RASGEF1C: variants seen among roughly 807,000 people sequenced by gnomAD.
RASGEF1C encodes the protein ras-GEF domain-containing family member 1C.
In RASGEF1C, 27 loss-of-function variants were observed where a neutral mutation model predicts 58.1. The ratio of observed to expected loss-of-function variants is 0.46; its 90% CI spans 0.34 to 0.64. RASGEF1C has a LOEUF of 0.64. Among genes scored for constraint, RASGEF1C ranks in the 30% least tolerant of loss-of-function variants. RASGEF1C has a pLI of 0.01. For synonymous variants in RASGEF1C, 243 were observed against 246.3 expected (o/e 0.99, Z 0.13); for missense variants, 502 against 605.1 (o/e 0.83, Z 1.79).
chr5:180,201,474 G>GC (rs1489019784), intron 1 of RASGEF1C, among the ~76,000 whole-genome samples: 3 of 152,172 alleles, frequency 2.0e-5, no homozygotes, highest in Non-Finnish European at 4.4e-5. Flanking sequence ...CGGTTCCCAA[G>GC]CCCCCAGCTC....
At chr5:180,201,728 C>A (rs761389775) in intron 1 of RASGEF1C, among the ~76,000 whole-genome samples, 1 of 152,176 alleles carries the variant, frequency 6.6e-6, no homozygotes, top group Non-Finnish European at 1.5e-5. Flanking sequence ...CATTTGGGGG[C>A]GGGGGCCTTT....
rs552158408 is a variant in RASGEF1C, at chr5:180,137,429, C to T, written c.300+161G>A. ...CATGGAGGTTAAAGGTCCTGTTCTG[C>T]TCCTTCTGGCTCTGGGCCTCAGACA... On this transcript the variant is annotated intron_variant, in intron 3 of 13. Transcript: ENST00000361132. This position sits in a 1 kb window ranked among gnomAD's most constrained non-coding sequence, Gnocchi z 4.1. 6.6e-6 allele frequency among the ~76,000 whole-genome samples: 1 copy of T among 152,326 alleles called. No homozygotes were observed. Among genetic ancestry groups the T allele is most frequent in the East Asian group, 1.9e-4 (1 of 5,178 alleles).
intron 1 of RASGEF1C, among the ~76,000 whole-genome samples, chr5:180,191,680 C>T (rs1756166683): frequency 6.6e-6 from 1 of 152,204 alleles, no homozygotes; most frequent in African/African-American, 2.4e-5. Context: ...ATAAGAGTCT[C>T]AAAGAGTGAA....
At chr5:180,170,898 G>A (rs1345540108) in intron 1 of RASGEF1C, among the ~76,000 whole-genome samples, 1 of 152,118 alleles carries the variant, frequency 6.6e-6, no homozygotes, top group African/African-American at 2.4e-5. Context: ...CCCTGCCCCT[G>A]CCCCTGTCCC....
intron 4 of RASGEF1C, among the ~76,000 whole-genome samples, chr5:180,134,042 G>A (rs1280710486): frequency 1.3e-5 from 2 of 152,146 alleles, no homozygotes; most frequent in African/African-American, 2.4e-5. Flanking sequence ...TTCCCAGTCC[G>A]GATCTGGGTG....
At chr5:180,132,949 C>T (rs1332704238) in intron 4 of RASGEF1C, among the ~76,000 whole-genome samples, 2 of 136,428 alleles carry the variant, frequency 1.5e-5, no homozygotes, top group Admixed American at 1.6e-4. Flanking sequence ...GCCTGGGTGA[C>T]AGAGAGAGAC....
Position 180,158,427 on chromosome 5 carries a change from C to T in RASGEF1C, c.-6-20369G>A, listed in dbSNP as rs559848302. On this transcript the variant is annotated intron_variant, in intron 1 of 13. Transcript: ENST00000361132. The surrounding 1 kb of genome is among the most constrained non-coding windows in gnomAD (Gnocchi z 4.0). ...AGTAAATGTTTAAGATCTCACATGC[C>T]TGTAAACGTTCTCATTTTACTCACA... Among the ~76,000 whole-genome samples the T allele has an allele frequency of 9.2e-5, 14 of 152,210 alleles. No homozygotes were observed. Among genetic ancestry groups the T allele is most frequent in the Non-Finnish European group, 1.6e-4 (11 of 68,032 alleles).
chr5:180,134,273 G>A (rs1766428452), intron 4 of RASGEF1C, among the ~76,000 whole-genome samples: 1 of 152,000 alleles, frequency 6.6e-6, no homozygotes, highest in Non-Finnish European at 1.5e-5. Flanking sequence ...CGGGGCCTAG[G>A]TTGGGACTGG....
At chr5:180,146,851 C>T (rs938942556) in intron 1 of RASGEF1C, among the ~76,000 whole-genome samples, 4 of 152,112 alleles carry the variant, frequency 2.6e-5, no homozygotes, top group Non-Finnish European at 5.9e-5. Context: ...GTTTCTGCCT[C>T]TTTAATTTTT....
chr5:180,136,890 TG>T (rs1766489163), intron 3 of RASGEF1C: 1 of 226,022 alleles, frequency 4.4e-6, no homozygotes, highest in Admixed American at 5.3e-5. Context: ...GGCTCACAGG[TG>T]GCCACGTGAC....
At chr5:180,164,640 AT>A (rs1689615746) in intron 1 of RASGEF1C, among the ~76,000 whole-genome samples, 1 of 152,108 alleles carries the variant, frequency 6.6e-6, no homozygotes, top group South Asian at 2.1e-4. Context: ...ATCTAATTCC[AT>A]TTTGGTCAGA....
At chr5:180,201,894 G>A (rs1267015432) in intron 1 of RASGEF1C, among the ~76,000 whole-genome samples, 1 of 152,224 alleles carries the variant, frequency 6.6e-6, no homozygotes, top group Non-Finnish European at 1.5e-5. Flanking sequence ...CAAATACCTT[G>A]ATCTTGTACC....
chr5:180,206,959 G>A (rs931657099), intron 1 of RASGEF1C, among the ~76,000 whole-genome samples: 1 of 152,184 alleles, frequency 6.6e-6, no homozygotes, highest in Non-Finnish European at 1.5e-5. Flanking sequence ...AAGATGCAGG[G>A]GTGGGACTGA....
chr5:180,127,598 G>A lies in RASGEF1C; in HGVS notation c.714+11C>T, dbSNP rs1766285033. ...GGCTCACTTTTGGGACAGCCCGTAA[G>A]AGCCTCCTACCTTTGTGCTGGCCAG... On this transcript the variant is annotated intron_variant, in intron 6 of 13. Transcript: ENST00000361132. 1 of 1,607,564 alleles carries A rather than the reference G, an allele frequency of 6.2e-7. No individual in the cohort carries two copies. The highest frequency in any genetic ancestry group is 1.8e-4 in the Middle Eastern group (1 of 5,556).
intron 1 of RASGEF1C, among the ~76,000 whole-genome samples, chr5:180,200,706 C>A (rs986576665): frequency 1.5e-4 from 23 of 152,108 alleles, no homozygotes; most frequent in Non-Finnish European, 3.2e-4. Context: ...ATCCAATCCT[C>A]TCCTTGGTAA....
In RASGEF1C at chr5:180,152,626, A is replaced by C. The variant is rs543811223; in HGVS notation, c.-6-14568T>G. ...ATACCTAACGTTAAATGACGAGTTA[A>C]TGGGTGCAGCACACCAACATGGCAC... On this transcript the variant is annotated intron_variant, in intron 1 of 13. Transcript: ENST00000361132. Among the ~76,000 whole-genome samples, 302 of 150,250 alleles carry C rather than the reference A, an allele frequency of 2.0e-3. 3 individuals are homozygous for C. The highest frequency in any genetic ancestry group is 5.6e-3 in the African/African-American group (226 of 40,470).
At chr5:180,108,388 A>C (rs908275518) in intron 12 of RASGEF1C, among the ~76,000 whole-genome samples, 1 of 151,700 alleles carries the variant, frequency 6.6e-6, no homozygotes, top group Non-Finnish European at 1.5e-5. Flanking sequence ...TTTTTAGTAG[A>C]GATGGGGTTT....
intron 1 of RASGEF1C, among the ~76,000 whole-genome samples, chr5:180,152,636 C>A (rs1382565507): frequency 6.7e-5 from 10 of 150,142 alleles, no homozygotes; most frequent in Admixed American, 4.0e-4. Flanking sequence ...ATGGGTGCAG[C>A]ACACCAACAT....
chr5:180,206,222 G>C (rs970179553), intron 1 of RASGEF1C, among the ~76,000 whole-genome samples: 1 of 152,092 alleles, frequency 6.6e-6, no homozygotes, highest in African/African-American at 2.4e-5. Context: ...AAATGGCTTT[G>C]GGACAGAGTG....
Sources: allele counts gnomAD v4.1 joint callset (sites outside exome capture counted in the v4.1 genomes callset), GRCh38; gene constraint gnomAD v4.1.1; non-coding constraint Gnocchi (gnomAD v3.1); transcripts MANE v1.5; gene names NCBI Gene and HGNC (gene_info 2026-07-23, HGNC 2026-07-21).